Variants in MGMT observed in about 807,000 individuals in gnomAD.
MGMT encodes the protein O-6-methylguanine-DNA methyltransferase.
A neutral mutation model predicts 15.9 loss-of-function variants in MGMT; 14 were observed. That is an observed-to-expected ratio of 0.88 (90% CI 0.58 to 1.37). The LOEUF is 1.37. MGMT is among the 40% of genes most tolerant of loss of function. The pLI, the probability that MGMT is intolerant of heterozygous loss-of-function variation, is 0.00. For missense variants in MGMT, 282 were observed against 268.1 expected (o/e 1.05, Z -0.36); for synonymous variants, 130 against 118.2 (o/e 1.10, Z -0.65).
intron 2 of MGMT, among the ~76,000 whole-genome samples, chr10:129,645,558 C>T (rs570796460): frequency 6.6e-6 from 1 of 152,252 alleles, no homozygotes; most frequent in East Asian, 1.9e-4. Context: ...ATGGAGATGT[C>T]TGACCGTTGG....
chr10:129,491,105 A>G (rs942158260), intron 1 of MGMT, among the ~76,000 whole-genome samples: 4 of 151,884 alleles, frequency 2.6e-5, no homozygotes, highest in South Asian at 2.1e-4. Flanking sequence ...AGTGCTCTCC[A>G]TTGGTTCTCC....
chr10:129,736,886 C>T (rs1296010007), intron 3 of MGMT, among the ~76,000 whole-genome samples: 22 of 147,406 alleles, frequency 1.5e-4, no homozygotes, highest in East Asian at 2.1e-4. Flanking sequence ...TGAATATTGG[C>T]CCCCATTCTC....
At position 129,513,503 on chromosome 10, in the gene MGMT, G is replaced by A. The variant is rs371499354; in HGVS notation, c.-12-22738G>A. On this transcript the variant is annotated intron_variant, in intron 1 of 4. Transcript: ENST00000651593. ...CACCGGCGACCCCTGGCTGCTGGCA[G>A]GTGTCTGGAGCAGCAGCTCAGAGCA... Among the ~76,000 whole-genome samples, 145 of 152,280 alleles carry A rather than the reference G, an allele frequency of 9.5e-4. 3 individuals carry two copies. The East Asian group carries it at 0.014, about 15-fold the overall frequency.
chr10:129,536,480 G>A (rs1333672052), intron 2 of MGMT, 103 bp downstream of exon 2: 3 of 1,423,898 alleles, frequency 2.1e-6, no homozygotes, highest in Non-Finnish European at 2.8e-6. Flanking sequence ...GTAACGCATA[G>A]CCTTACCCCC....
rs1184323229 is a variant in MGMT, at chr10:129,768,507, T to G, written c.*1510T>G. 2.6e-5 allele frequency among the ~76,000 whole-genome samples: 4 copies of G among 152,210 alleles called. No homozygotes were observed. Among genetic ancestry groups the G allele is most frequent in the Non-Finnish European group, 5.9e-5 (4 of 68,034 alleles). On this transcript the variant is annotated 3_prime_UTR_variant, in exon 5 of 5. Coordinates refer to ENST00000651593, the MANE Select transcript of MGMT (RefSeq NM_002412.5). ...GCAGGCTGTCTGGTCATTTTTGACG[T>G]TGCTGAAGGTGAGTGGGAAAAGCTG...
chr10:129,633,181 C>T (rs1847230169), intron 2 of MGMT, among the ~76,000 whole-genome samples: 1 of 152,142 alleles, frequency 6.6e-6, no homozygotes, highest in Non-Finnish European at 1.5e-5. Context: ...AAAAAGTATA[C>T]TCTAGAAAAA....
chr10:129,599,593 C>G (rs1338078433), intron 2 of MGMT, among the ~76,000 whole-genome samples: 1 of 152,150 alleles, frequency 6.6e-6, no homozygotes, highest in Non-Finnish European at 1.5e-5. Flanking sequence ...TTGTCCTTCC[C>G]CCCTCAAAAA....
rs187861750 is a variant in MGMT, at chr10:129,666,196, G to A, written c.126-41699G>A. On this transcript the variant is annotated intron_variant, in intron 2 of 4. Coordinates refer to ENST00000651593, the MANE Select transcript of MGMT (RefSeq NM_002412.5). ...CTTGTAACTTTTCTGCAAGTTTAACGTTATTTGAAACAAATTTTAACTATT... is the reference window on the plus strand; with the variant it reads ...CTTGTAACTTTTCTGCAAGTTTAACATTATTTGAAACAAATTTTAACTATT... 1.5e-3 allele frequency among the ~76,000 whole-genome samples: 234 copies of A among 152,184 alleles called. 1 individual carries two copies. Among genetic ancestry groups the A allele is most frequent in the African/African-American group, 5.3e-3 (221 of 41,530 alleles).
intron 1 of MGMT, among the ~76,000 whole-genome samples, chr10:129,496,227 A>G (rs1845519792): frequency 6.6e-6 from 1 of 152,138 alleles, no homozygotes. Context: ...TTTCATCGTC[A>G]CGCTTAAGTC....
At chr10:129,493,493 C>T (rs752245330) in intron 1 of MGMT, among the ~76,000 whole-genome samples, 12 of 152,164 alleles carry the variant, frequency 7.9e-5, no homozygotes, top group South Asian at 2.1e-4. Context: ...TCTAGTGCAT[C>T]GTAGTCCCTT....
At chr10:129,530,097 T>C (rs1845914160) in intron 1 of MGMT, among the ~76,000 whole-genome samples, 1 of 152,136 alleles carries the variant, frequency 6.6e-6, no homozygotes. Flanking sequence ...GAGCTGGGGT[T>C]TCGCCACATT....
At chr10:129,647,478 C>T (rs534213033) in intron 2 of MGMT, among the ~76,000 whole-genome samples, 2 of 152,238 alleles carry the variant, frequency 1.3e-5, no homozygotes, top group East Asian at 3.9e-4. Flanking sequence ...CCCATCGAAG[C>T]GTTGGTTAGT....
chr10:129,642,012 T>C (rs1280811384), intron 2 of MGMT, among the ~76,000 whole-genome samples: 1 of 152,214 alleles, frequency 6.6e-6, no homozygotes, highest in Non-Finnish European at 1.5e-5. Flanking sequence ...GGCTCTCTGC[T>C]CATAATTCTA....
chr10:129,542,126 A>G (rs2119770700), intron 2 of MGMT, among the ~76,000 whole-genome samples: 1 of 152,284 alleles, frequency 6.6e-6, no homozygotes, highest in South Asian at 2.1e-4. Flanking sequence ...GGAAAGCGTG[A>G]AGATGCCTTT....
At chr10:129,540,882 G>A in intron 2 of MGMT, among the ~76,000 whole-genome samples, 1 of 152,314 alleles carries the variant, frequency 6.6e-6, no homozygotes, top group Non-Finnish European at 1.5e-5. Flanking sequence ...ATCTCGGGGT[G>A]CTCCCACCTG....
At chr10:129,548,494 C>T (rs1209299087) in intron 2 of MGMT, among the ~76,000 whole-genome samples, 2 of 152,210 alleles carry the variant, frequency 1.3e-5, no homozygotes, top group Non-Finnish European at 2.9e-5. Flanking sequence ...CCCAGCACTG[C>T]TTTTATTAAA....
intron 2 of MGMT, among the ~76,000 whole-genome samples, chr10:129,604,365 C>G (rs1846861843): frequency 6.6e-6 from 1 of 152,008 alleles, no homozygotes; most frequent in South Asian, 2.1e-4. Context: ...ATTTTATCTT[C>G]TGAAAAAAAA....
At chr10:129,613,649 AG>A (rs1021056655) in intron 2 of MGMT, among the ~76,000 whole-genome samples, 12 of 152,246 alleles carry the variant, frequency 7.9e-5, no homozygotes, top group African/African-American at 2.7e-4. Flanking sequence ...TTTAATAAAA[AG>A]GTCTAAAACA....
In MGMT at chr10:129,516,756, T is replaced by A. The variant is rs367580413; in HGVS notation, c.-12-19485T>A. Among the ~76,000 whole-genome samples, 34 of 151,976 alleles carry A rather than the reference T, an allele frequency of 2.2e-4. 1 individual carries two copies. The East Asian group carries it at 5.2e-3, about 23-fold the overall frequency. ...ATTCAGGCCCAGTATTTCTTGTTTC[T>A]AATGAGATGGAAGGAGCGGTATTCT... is the stretch of plus-strand genomic sequence containing the variant. On this transcript the variant is annotated intron_variant, in intron 1 of 4. Transcript: ENST00000651593.
Sources: gnomAD v4.1 joint callset for allele counts (sites outside exome capture counted in the v4.1 genomes callset) on GRCh38, gnomAD v4.1.1 for gene constraint, MANE v1.5 for transcripts, NCBI Gene and HGNC (gene_info 2026-07-23, HGNC 2026-07-21) for gene names.